The following PIK3C2G variants were observed in gnomAD, a reference collection of about 807,000 sequenced individuals.
The protein encoded by PIK3C2G is phosphatidylinositol-4-phosphate 3-kinase catalytic subunit type 2 gamma.
Under a neutral mutation model 181.1 loss-of-function variants are expected in PIK3C2G, and 168 were observed. That is an observed-to-expected ratio of 0.93 (90% CI 0.82 to 1.05). The LOEUF is 1.05. PIK3C2G is among the 50% of genes least tolerant of loss of function. The pLI is 0.00. For synonymous variants in PIK3C2G, 573 were observed against 592.2 expected, an observed-to-expected ratio of 0.97 and a Z score of 0.47; for missense variants, 1,869 against 1,732.8, an observed-to-expected ratio of 1.08 and a Z score of -1.40.
At chr12:18,245,843 C>T (rs954803568), upstream of PIK3C2G, among the ~76,000 whole-genome samples, 17 of 151,864 alleles carry the variant, frequency 1.1e-4, no homozygotes, top group Admixed American at 2.0e-4. Context: ...TTTATAAATT[C>T]GCAACTTGAG....
chr12:18,256,418 C>A (rs545183108), intron 1 of PIK3C2G, among the ~76,000 whole-genome samples: 3 of 152,064 alleles, frequency 2.0e-5, no homozygotes, highest in Admixed American at 2.0e-4. Flanking sequence ...TGCTCTCCTT[C>A]GGTTTATGGG....
intron 29 of PIK3C2G, among the ~76,000 whole-genome samples, chr12:18,594,071 T>C (rs1276311947): frequency 2.0e-5 from 3 of 151,916 alleles, no homozygotes; most frequent in Non-Finnish European, 4.4e-5. Context: ...ATTCCTAGAA[T>C]TGAACCTTGA....
chr12:18,487,635 G>C (rs1940180926), intron 18 of PIK3C2G, among the ~76,000 whole-genome samples: 1 of 152,010 alleles, frequency 6.6e-6, no homozygotes, highest in South Asian at 2.1e-4. Context: ...ATTTGTTGTT[G>C]CTCCATTATC....
chr12:18,579,347 A>G (rs1565527656), intron 29 of PIK3C2G, among the ~76,000 whole-genome samples: 1 of 152,220 alleles, frequency 6.6e-6, no homozygotes, highest in Admixed American at 6.5e-5. Flanking sequence ...AAATATTATT[A>G]TGTGCCCTTC....
upstream of PIK3C2G, among the ~76,000 whole-genome samples, chr12:18,247,019 A>C (rs1948047189): frequency 6.6e-6 from 1 of 152,246 alleles, no homozygotes; most frequent in Non-Finnish European, 1.5e-5. Flanking sequence ...CATATGTTAT[A>C]TAAAACATAA....
chr12:18,473,384 A>G (rs189059864), intron 18 of PIK3C2G, among the ~76,000 whole-genome samples: 1 of 152,312 alleles, frequency 6.6e-6, no homozygotes, highest in African/African-American at 2.4e-5. Flanking sequence ...GTGATAGCAC[A>G]TGTGTCTTAT....
chr12:18,338,958 TTAAG>T (rs1467788704), intron 9 of PIK3C2G, among the ~76,000 whole-genome samples: 1 of 152,064 alleles, frequency 6.6e-6, no homozygotes, highest in Non-Finnish European at 1.5e-5. Context: ...TATACAGGCA[TTAAG>T]TGTCATGTTT....
At chr12:18,378,841 G>C (rs989405531) in intron 13 of PIK3C2G, among the ~76,000 whole-genome samples, 2 of 152,100 alleles carry the variant, frequency 1.3e-5, no homozygotes, top group East Asian at 1.9e-4. Context: ...TTAGAATGGC[G>C]ATCATTAAAA....
chr12:18,413,636 T>C (rs1944997992), intron 16 of PIK3C2G, among the ~76,000 whole-genome samples: 1 of 152,146 alleles, frequency 6.6e-6, no homozygotes, highest in Non-Finnish European at 1.5e-5. Context: ...ATCAGCCTCA[T>C]GAATCTCCTA....
intron 25 of PIK3C2G, among the ~76,000 whole-genome samples, chr12:18,541,395 C>G (rs12825178): frequency 0.17 from 25,751 of 151,762 alleles, 2,308 homozygotes; most frequent in South Asian, 0.25. Flanking sequence ...CGGCTGAGTT[C>G]CCGAAAATAA....
chr12:18,312,012 G>A (rs1039273416), intron 5 of PIK3C2G, among the ~76,000 whole-genome samples: 7 of 152,126 alleles, frequency 4.6e-5, no homozygotes, highest in African/African-American at 1.2e-4. Flanking sequence ...TGTAGGCTGC[G>A]AGGCTAAGCC....
chr12:18,386,551 G>T (rs954502358), intron 14 of PIK3C2G, among the ~76,000 whole-genome samples: 1 of 152,096 alleles, frequency 6.6e-6, no homozygotes, highest in Non-Finnish European at 1.5e-5. Context: ...GATCTTATTT[G>T]TGGCCAGCTT....
chr12:18,260,024 C>T (rs2136989320), upstream of PIK3C2G, among the ~76,000 whole-genome samples: 1 of 152,150 alleles, frequency 6.6e-6, no homozygotes, highest in Admixed American at 6.6e-5. Flanking sequence ...AACATATTTT[C>T]AAAGGAAACA....
chr12:18,303,319 C>A (rs1950286633), intron 5 of PIK3C2G, among the ~76,000 whole-genome samples: 2 of 146,152 alleles, frequency 1.4e-5, no homozygotes, highest in African/African-American at 2.5e-5. Flanking sequence ...TCTTTCCTTT[C>A]TCTCTTTCTC....
chr12:18,478,841 G>C (rs1047140474), intron 18 of PIK3C2G, among the ~76,000 whole-genome samples: 1 of 151,738 alleles, frequency 6.6e-6, no homozygotes. Context: ...CAGACGTGGC[G>C]GCGCAAGCCT....
chr12:18,663,455 A>G, the PIK3C2G span, among the ~76,000 whole-genome samples: 70 of 152,284 alleles, frequency 4.6e-4, no homozygotes, highest in Admixed American at 8.5e-4. Flanking sequence ...TAAACTACAT[A>G]GGAGGATATG....
chr12:18,357,848 G>A (rs1452388469), intron 11 of PIK3C2G, among the ~76,000 whole-genome samples: 13 of 152,152 alleles, frequency 8.5e-5, no homozygotes, highest in Non-Finnish European at 4.4e-5. Flanking sequence ...GGTATATTTA[G>A]TATTTGTGTT....
intron 1 of PIK3C2G, among the ~76,000 whole-genome samples, chr12:18,273,290 C>T (rs1013357145): frequency 3.3e-5 from 5 of 152,042 alleles, no homozygotes; most frequent in Non-Finnish European, 7.4e-5. Flanking sequence ...TGTAGATATA[C>T]GGCATTATTT....
chr12:18,553,484 A>C (rs1212800316), intron 26 of PIK3C2G, among the ~76,000 whole-genome samples: 1 of 152,090 alleles, frequency 6.6e-6, no homozygotes. Context: ...CTCCCAGCCA[A>C]GTCCACAGAG....
Sources: allele counts gnomAD v4.1 joint callset (sites outside exome capture counted in the v4.1 genomes callset), GRCh38; gene constraint gnomAD v4.1.1; transcripts MANE v1.5; gene names NCBI Gene and HGNC (gene_info 2026-07-23, HGNC 2026-07-21).